The following CES5A variants were observed in gnomAD, a reference collection of about 807,000 sequenced individuals.
CES5A encodes the protein carboxylesterase 5A.
CES5A carries 67 observed loss-of-function variants against 62.9 expected under a neutral mutation model. The observed-to-expected ratio is 1.07, with a 90% CI of 0.88 to 1.31. CES5A has a LOEUF of 1.31. Among genes scored for constraint, CES5A ranks in the 50% most tolerant of loss-of-function variants. The pLI is 0.00. For synonymous variants in CES5A, 296 were observed against 280.8 expected, an observed-to-expected ratio of 1.05 and a Z score of -0.54; for missense variants, 748 against 708.5, an observed-to-expected ratio of 1.06 and a Z score of -0.63.
At chr16:55,846,878 G>A (rs1268175882) in intron 11 of CES5A, 38 bp from the exon 12 acceptor site, 1 of 1,580,968 alleles carries the variant, frequency 6.3e-7, no homozygotes, top group Non-Finnish European at 8.7e-7. Context: ...TGCTCTGGGT[G>A]AGGCTCGGGA....
intron 9 of CES5A, among the ~76,000 whole-genome samples, chr16:55,853,366 T>G (rs2033169904): frequency 1.3e-5 from 2 of 152,228 alleles, no homozygotes; most frequent in South Asian, 4.1e-4. Context: ...TGGAGCTCAG[T>G]GCAAAGTAAA....
chr16:55,894,737 G>A (rs114735661), intron 1 of CES5A, among the ~76,000 whole-genome samples: 1,971 of 152,166 alleles, frequency 0.013, 50 homozygotes, highest in African/African-American at 0.045. Context: ...CCTCAACAGA[G>A]GAGTTTAGTG....
upstream of CES5A, among the ~76,000 whole-genome samples, chr16:55,880,355 G>A (rs555668247): frequency 3.6e-4 from 55 of 152,320 alleles, no homozygotes; most frequent in Non-Finnish European, 3.8e-4. Context: ...AGGGTCATGA[G>A]AGCTGAGGGA....
intron 2 of CES5A, among the ~76,000 whole-genome samples, chr16:55,873,434 C>G (rs570560485): frequency 6.6e-6 from 1 of 152,226 alleles, no homozygotes; most frequent in Admixed American, 6.5e-5. Flanking sequence ...TAGAGCCAGG[C>G]TTGGGTGAGA....
At chr16:55,946,199 C>A (rs1425326014) in intron 2 of CES5A, among the ~76,000 whole-genome samples, 2 of 152,174 alleles carry the variant, frequency 1.3e-5, no homozygotes, top group Non-Finnish European at 2.9e-5. Context: ...AGACTCAATT[C>A]TAAATTTCTG....
rs1405389840 is a variant in CES5A, at chr16:55,883,719, C to T, written c.-255-9682G>A. ...GCAGTTTCAGAGGTTTCTATTTCCG[C>T]TTCCCCAATGTGATAGCTCTTACCT... On this transcript the variant is annotated intron_variant, in intron 1 of 12. Transcript: ENST00000518005. Among the ~76,000 whole-genome samples the T allele has an allele frequency of 3.9e-5, 6 of 152,210 alleles. No homozygotes were observed. In the South Asian group the frequency reaches 1.0e-3, roughly 26 times the overall value.
chr16:55,944,540 T>C (rs1274028811), intron 2 of CES5A: 1 of 156,578 alleles, frequency 6.4e-6, no homozygotes, highest in African/African-American at 2.4e-5. Flanking sequence ...CCGTCTGCTT[T>C]AGGAAAACTA....
chr16:55,871,535 G>A (rs138192341), intron 3 of CES5A, 90 bp downstream of exon 3: 2 of 1,467,560 alleles, frequency 1.4e-6, no homozygotes. Context: ...ACAGGGGGTA[G>A]TTCCAATTCC....
At position 55,931,096 on chromosome 16, in the gene CES5A, A is replaced by G. The variant is rs184289198; in HGVS notation, c.160+18689T>C. Among the ~76,000 whole-genome samples, 8 of 152,324 alleles carry G rather than the reference A, an allele frequency of 5.3e-5. No individual in the cohort carries two copies. The East Asian group carries it at 7.7e-4, about 15-fold the overall frequency. The stretch of plus-strand genomic sequence containing the variant: ...TAAAATGAGTTTTCCAAGGCCATAC[A>G]GTAATTAGTGACAGAATCAGGGTTC... On this transcript the variant is annotated intron_variant, in intron 2 of 13. Coordinates refer to the CES5A transcript ENST00000521992.
intron 8 of CES5A, among the ~76,000 whole-genome samples, chr16:55,856,983 A>T (rs1224903288): frequency 6.6e-6 from 1 of 152,234 alleles, no homozygotes; most frequent in African/African-American, 2.4e-5. Context: ...ATGGTATTTT[A>T]TTATGGCAGC....
intron 1 of CES5A, among the ~76,000 whole-genome samples, chr16:55,886,982 A>G (rs1296577799): frequency 2.6e-5 from 4 of 152,176 alleles, no homozygotes; most frequent in Non-Finnish European, 5.9e-5. Context: ...CACTGGAAAC[A>G]GCATAATAGA....
upstream of CES5A, among the ~76,000 whole-genome samples, chr16:55,930,250 T>A (rs2034296709): frequency 6.6e-6 from 1 of 150,576 alleles, no homozygotes; most frequent in Non-Finnish European, 1.5e-5. Context: ...ACCAACTGGA[T>A]CCCCTAGGCT....
upstream of CES5A, among the ~76,000 whole-genome samples, chr16:55,877,284 A>T (rs1029781059): frequency 5.3e-5 from 8 of 152,106 alleles, no homozygotes; most frequent in Admixed American, 4.6e-4. Context: ...ATCTAAAGAA[A>T]CTGTTTAAAT....
chr16:55,912,671 G>A (rs566184150), intron 1 of CES5A, among the ~76,000 whole-genome samples: 1 of 152,210 alleles, frequency 6.6e-6, no homozygotes, highest in Admixed American at 6.5e-5. Context: ...TAGCGACCTG[G>A]GAAGTAAATG....
intron 7 of CES5A, 92 bp from the exon 8 acceptor site, chr16:55,859,779 A>G (rs566582014): frequency 1.6e-6 from 2 of 1,268,342 alleles, no homozygotes; most frequent in Non-Finnish European, 2.2e-6. Context: ...AGAAAAGCCA[A>G]CCCAGTCTAG....
chr16:55,918,899 C>A (rs2034173344), intron 1 of CES5A, among the ~76,000 whole-genome samples: 1 of 152,172 alleles, frequency 6.6e-6, no homozygotes. Flanking sequence ...CTTCCCACTT[C>A]CCCACCCCTA....
chr16:55,928,401 A>G (rs1871130835), upstream of CES5A, among the ~76,000 whole-genome samples: 2 of 152,184 alleles, frequency 1.3e-5, no homozygotes, highest in African/African-American at 4.8e-5. Flanking sequence ...GGTATAATGG[A>G]CACTGGAGAC....
chr16:55,900,145 G>T (rs995301033), intron 1 of CES5A, among the ~76,000 whole-genome samples: 1 of 152,060 alleles, frequency 6.6e-6, no homozygotes, highest in Non-Finnish European at 1.5e-5. Context: ...GACCTCCATC[G>T]CAGGCTCATT....
At chr16:55,920,902 GA>G (rs2034197652) in intron 1 of CES5A, among the ~76,000 whole-genome samples, 1 of 152,128 alleles carries the variant, frequency 6.6e-6, no homozygotes, top group African/African-American at 2.4e-5. Context: ...ATTTACCACA[GA>G]AACTTAACAA....
Sources: gnomAD v4.1 joint callset for allele counts (sites outside exome capture counted in the v4.1 genomes callset) on GRCh38, gnomAD v4.1.1 for gene constraint, MANE v1.5 for transcripts, NCBI Gene and HGNC (gene_info 2026-07-23, HGNC 2026-07-21) for gene names.